BCAS3: variants seen among roughly 807,000 people sequenced by gnomAD.
The protein encoded by BCAS3 is BCAS4/BCAS3 fusion.
In BCAS3, 53 loss-of-function variants were observed where a neutral mutation model predicts 116.1. The ratio of observed to expected loss-of-function variants is 0.46; its 90% CI spans 0.37 to 0.57. BCAS3 has a LOEUF of 0.57. BCAS3 is among the 20% of genes least tolerant of loss of function. The probability of loss-of-function intolerance (pLI) is 0.00; values close to 1 mark genes in which losing one functional copy is unlikely to be tolerated. For missense variants in BCAS3, 917 were observed against 1,165.4 expected (o/e 0.79, Z 3.10); for synonymous variants, 391 against 408.2 (o/e 0.96, Z 0.51).
intron 22 of BCAS3, among the ~76,000 whole-genome samples, chr17:61,267,732 A>C (rs1248961106): frequency 6.6e-6 from 1 of 151,730 alleles, no homozygotes; most frequent in Non-Finnish European, 1.5e-5. Flanking sequence ...CAGAAAAAAA[A>C]AAAAAGAAAA....
chr17:61,025,624 T>A (rs2066185335), intron 16 of BCAS3, among the ~76,000 whole-genome samples: 1 of 152,140 alleles, frequency 6.6e-6, no homozygotes, highest in African/African-American at 2.4e-5. Context: ...CTATTTTAAA[T>A]GTGGATGCTG....
At chr17:61,045,532 A>T (rs952548569) in intron 19 of BCAS3, among the ~76,000 whole-genome samples, 5 of 147,594 alleles carry the variant, frequency 3.4e-5, no homozygotes, top group African/African-American at 1.0e-4. Flanking sequence ...AAAAAAAAAA[A>T]GGCTAGGCGC....
Position 61,368,528 on chromosome 17 carries a change from G to T in BCAS3, c.2593+34G>T. ...GTCATCAGACTTCTAGCCTGATTTGGTCAGGACCAGCACCTGTTGGTGCAG... is the reference window on the plus strand; with the variant it reads ...GTCATCAGACTTCTAGCCTGATTTGTTCAGGACCAGCACCTGTTGGTGCAG... On this transcript the variant is annotated intron_variant, in intron 23 of 23. Transcript: ENST00000407086. This position sits in a 1 kb window ranked among gnomAD's most constrained non-coding sequence, Gnocchi z 6.0. 1 of 1,567,350 alleles carries T rather than the reference G, an allele frequency of 6.4e-7. No individual in the cohort carries two copies. Among genetic ancestry groups the T allele is most frequent in the Non-Finnish European group, 8.7e-7 (1 of 1,147,090 alleles).
Position 61,211,162 on chromosome 17 carries a change from C to T in BCAS3, c.2425+126598C>T, listed in dbSNP as rs1255151015. 2.6e-5 allele frequency among the ~76,000 whole-genome samples: 4 copies of T among 152,134 alleles called. No homozygotes were observed. Among genetic ancestry groups the T allele is most frequent in the Admixed American group, 6.5e-5 (1 of 15,280 alleles). Reference sequence around the variant, plus strand: ...CAGTTATTCAGAAGAAATGGAATGACGTTAAAATTCTCCCAAAAAAGGTTG... The same window carrying T: ...CAGTTATTCAGAAGAAATGGAATGATGTTAAAATTCTCCCAAAAAAGGTTG... On this transcript the variant is annotated intron_variant, in intron 22 of 23. Coordinates refer to ENST00000407086, the MANE Select transcript of BCAS3 (RefSeq NM_017679.5). This position sits in a 1 kb window ranked among gnomAD's most constrained non-coding sequence, Gnocchi z 4.4.
chr17:60,688,359 G>A (rs1403088593), intron 3 of BCAS3, among the ~76,000 whole-genome samples: 1 of 151,958 alleles, frequency 6.6e-6, no homozygotes, highest in African/African-American at 2.4e-5. Context: ...GAGTACAGTG[G>A]CACTATCATG....
At chr17:60,780,338 A>G (rs1172393785) in intron 6 of BCAS3, among the ~76,000 whole-genome samples, 2 of 147,188 alleles carry the variant, frequency 1.4e-5, no homozygotes, top group Non-Finnish European at 3.0e-5. Context: ...CCTGTTGCCC[A>G]GACTGGGGTG....
At chr17:60,818,483 G>A (rs1317295457) in intron 7 of BCAS3, among the ~76,000 whole-genome samples, 1 of 152,190 alleles carries the variant, frequency 6.6e-6, no homozygotes, top group East Asian at 1.9e-4. Flanking sequence ...GCTTGGGATA[G>A]TCGGTATGTG....
At chr17:60,974,061 C>G (rs1442376363) in intron 14 of BCAS3, among the ~76,000 whole-genome samples, 4 of 152,162 alleles carry the variant, frequency 2.6e-5, no homozygotes, top group African/African-American at 9.7e-5. Context: ...CAAATAACTG[C>G]TGAATCATAA....
In BCAS3 at chr17:61,248,477, G is replaced by A. The variant is rs1007401239; in HGVS notation, c.2426-119850G>A. Among the ~76,000 whole-genome samples the A allele has an allele frequency of 3.9e-5, 6 of 152,210 alleles. No homozygotes were observed. The highest frequency in any genetic ancestry group is 8.8e-5 in the Non-Finnish European group (6 of 68,038). ...AAGATACTGGCAGTTGAAGGTCTAAGTCCCAGCCTGGCATGAATTCCCAGA... is the reference window on the plus strand; with the variant it reads ...AAGATACTGGCAGTTGAAGGTCTAAATCCCAGCCTGGCATGAATTCCCAGA... On this transcript the variant is annotated intron_variant, in intron 22 of 23. Coordinates refer to ENST00000407086, the MANE Select transcript of BCAS3 (RefSeq NM_017679.5). This position sits in a 1 kb window ranked among gnomAD's most constrained non-coding sequence, Gnocchi z 4.3.
intron 5 of BCAS3, among the ~76,000 whole-genome samples, chr17:60,715,010 G>A (rs1302742464): frequency 6.6e-6 from 1 of 151,650 alleles, no homozygotes; most frequent in African/African-American, 2.4e-5. Context: ...GGTAAATATA[G>A]GCTTTCTTGC....
chr17:60,890,079 T>C (rs1298487858), intron 10 of BCAS3, among the ~76,000 whole-genome samples: 1 of 152,242 alleles, frequency 6.6e-6, no homozygotes, highest in Non-Finnish European at 1.5e-5. Context: ...TTAAGGAAAG[T>C]AGTTTTTGAC....
At chr17:60,693,777 C>CT (rs1446918334) in intron 4 of BCAS3, among the ~76,000 whole-genome samples, 13 of 149,964 alleles carry the variant, frequency 8.7e-5, no homozygotes, top group African/African-American at 2.5e-5. Context: ...TCAACAGGCC[C>CT]TTTTTTTCAG....
At chr17:61,168,100 A>C (rs933037841) in intron 22 of BCAS3, among the ~76,000 whole-genome samples, 1 of 152,206 alleles carries the variant, frequency 6.6e-6, no homozygotes, top group Non-Finnish European at 1.5e-5. Flanking sequence ...ATGCCCACTG[A>C]CAAAATTAAG....
At chr17:60,707,633 T>C (rs1397147815) in intron 4 of BCAS3, among the ~76,000 whole-genome samples, 1 of 152,268 alleles carries the variant, frequency 6.6e-6, no homozygotes. Flanking sequence ...TTCAGTCTTT[T>C]ACCATAAATA....
At chr17:60,958,815 G>A (rs1404857513) in intron 14 of BCAS3, among the ~76,000 whole-genome samples, 1 of 152,184 alleles carries the variant, frequency 6.6e-6, no homozygotes, top group Non-Finnish European at 1.5e-5. Flanking sequence ...AATCAGTAGG[G>A]ATCCTGTGAC....
chr17:60,694,080 G>A (rs990951188), intron 4 of BCAS3, among the ~76,000 whole-genome samples: 3 of 150,838 alleles, frequency 2.0e-5, no homozygotes, highest in Admixed American at 6.6e-5. Context: ...TAGAGACGGG[G>A]TTTCACCATG....
In BCAS3 at chr17:61,251,590, G is replaced by C. The variant is rs1475854652; in HGVS notation, c.2426-116737G>C. Among the ~76,000 whole-genome samples the C allele has an allele frequency of 6.7e-6, 1 of 150,266 alleles. No homozygotes were observed. Among genetic ancestry groups the C allele is most frequent in the Non-Finnish European group, 1.5e-5 (1 of 67,620 alleles). ...CACCTCAAAAAAAAAAAAAAGAAAA[G>C]AAAGACTGGATCCTGGTCCATCCAA... is the stretch of plus-strand genomic sequence containing the variant. On this transcript the variant is annotated intron_variant, in intron 22 of 23. Coordinates refer to ENST00000407086, the MANE Select transcript of BCAS3 (RefSeq NM_017679.5). The surrounding 1 kb of genome is among the most constrained non-coding windows in gnomAD (Gnocchi z 4.7).
At chr17:61,295,954 C>CAAAA (rs11332478) in intron 22 of BCAS3, among the ~76,000 whole-genome samples, 8 of 79,924 alleles carry the variant, frequency 1.0e-4, no homozygotes, top group Non-Finnish European at 1.4e-4. Flanking sequence ...GACTCCGTCT[C>CAAAA]AAAAAAAAAA....
rs2143530712 is a variant in BCAS3 at position 61,083,607 on chromosome 17, T to G, written c.2328-860T>G. 6.6e-6 allele frequency among the ~76,000 whole-genome samples: 1 copy of G among 151,612 alleles called. No individual in the cohort carries two copies. Among genetic ancestry groups the G allele is most frequent in the South Asian group, 2.1e-4 (1 of 4,798 alleles). On this transcript the variant is annotated intron_variant, in intron 21 of 23. Coordinates refer to ENST00000407086, the MANE Select transcript of BCAS3 (RefSeq NM_017679.5). The surrounding 1 kb of genome is among the most constrained non-coding windows in gnomAD (Gnocchi z 4.9). ...TATATGTTTATTATTCTTTTTTTTT[T>G]TTTTTTGAGACGGAGTCTTGCTCTG... is the stretch of plus-strand genomic sequence containing the variant.
Sources: allele counts gnomAD v4.1 joint callset (sites outside exome capture counted in the v4.1 genomes callset), GRCh38; gene constraint gnomAD v4.1.1; non-coding constraint Gnocchi (gnomAD v3.1); transcripts MANE v1.5; gene names NCBI Gene and HGNC (gene_info 2026-07-23, HGNC 2026-07-21).